The following PRUNE2 variants were observed in gnomAD, a reference collection of about 807,000 sequenced individuals.
PRUNE2 encodes protein prune homolog 2.
In PRUNE2, 164 loss-of-function variants were observed where a neutral mutation model predicts 252.0. That is an observed-to-expected ratio of 0.65 (90% CI 0.57 to 0.74). PRUNE2 has a LOEUF of 0.74. PRUNE2 is among the 30% of genes least tolerant of loss of function. The pLI is 0.00. For missense variants in PRUNE2, 3,495 were observed against 3,711.0 expected, an observed-to-expected ratio of 0.94 and a Z score of 1.51; for synonymous variants, 1,292 against 1,350.2, an observed-to-expected ratio of 0.96 and a Z score of 0.94.
intron 4 of PRUNE2, among the ~76,000 whole-genome samples, chr9:76,830,347 T>C (rs2058597951): frequency 6.6e-6 from 1 of 152,184 alleles, no homozygotes; most frequent in African/African-American, 2.4e-5. Context: ...AAAGACATTA[T>C]TCAAACGTTA....
chr9:76,836,871 C>G (rs1444943673), intron 4 of PRUNE2, among the ~76,000 whole-genome samples: 1 of 152,144 alleles, frequency 6.6e-6, no homozygotes, highest in African/African-American at 2.4e-5. Context: ...CACGTTATTT[C>G]TATGCTGGCA....
At chr9:76,731,324 A>ATATATATAT (rs1332074252) in intron 6 of PRUNE2, among the ~76,000 whole-genome samples, 1 of 106,794 alleles carries the variant, frequency 9.4e-6, no homozygotes, top group African/African-American at 3.5e-5. Context: ...ATATATATAT[A>ATATATATAT]TTTTTTTTTT....
At chr9:76,640,465 T>C (rs576078910) in intron 12 of PRUNE2, among the ~76,000 whole-genome samples, 1 of 152,236 alleles carries the variant, frequency 6.6e-6, no homozygotes, top group Non-Finnish European at 1.5e-5. Context: ...TGTTGTTGTA[T>C]ACAGTATTTA....
At chr9:76,736,702 G>C (rs184094251) in intron 6 of PRUNE2, 2 of 152,174 alleles carry the variant, frequency 1.3e-5, no homozygotes, top group African/African-American at 2.4e-5. Context: ...CCTCCCAAAG[G>C]CTCCACTTCC....
chr9:76,841,888 G>T (rs549916652), intron 4 of PRUNE2, among the ~76,000 whole-genome samples: 1 of 152,134 alleles, frequency 6.6e-6, no homozygotes, highest in Non-Finnish European at 1.5e-5. Context: ...AGATTTAAAC[G>T]TTCCTGCCTG....
chr9:76,831,857 T>C (rs1368888512), intron 4 of PRUNE2, among the ~76,000 whole-genome samples: 1 of 152,056 alleles, frequency 6.6e-6, no homozygotes, highest in African/African-American at 2.4e-5. Context: ...AAAATGACAA[T>C]ATACTGCTTA....
At chr9:76,619,311 C>T (rs1361657591) in intron 18 of PRUNE2, 29 bp downstream of exon 18, 2 of 1,489,438 alleles carry the variant, frequency 1.3e-6, no homozygotes, top group Non-Finnish European at 1.9e-6. Context: ...CAAGTAACCA[C>T]ATAGCTGTTA....
intron 9 of PRUNE2, among the ~76,000 whole-genome samples, chr9:76,688,346 A>G (rs1010231064): frequency 5.3e-5 from 8 of 152,186 alleles, no homozygotes; most frequent in African/African-American, 1.9e-4. Flanking sequence ...TTTCACTTGC[A>G]GTAAGTGTTG....
intron 6 of PRUNE2, among the ~76,000 whole-genome samples, chr9:76,805,210 C>T (rs370006784): frequency 1.1e-4 from 16 of 152,312 alleles, no homozygotes; most frequent in Admixed American, 5.9e-4. Context: ...GGCCCCCCAC[C>T]GCATGCAAGT....
At chr9:76,735,935 T>G (rs746603722) in intron 6 of PRUNE2, among the ~76,000 whole-genome samples, 2 of 152,214 alleles carry the variant, frequency 1.3e-5, no homozygotes, top group African/African-American at 2.4e-5. Flanking sequence ...TCTAGTACAT[T>G]TACATGCGTC....
At chr9:76,758,182 T>G (rs2051338494) in intron 6 of PRUNE2, among the ~76,000 whole-genome samples, 1 of 152,222 alleles carries the variant, frequency 6.6e-6, no homozygotes, top group African/African-American at 2.4e-5. Flanking sequence ...TTTTGTAAGC[T>G]TATAGTATTT....
rs1409882333 is a variant in PRUNE2, at chr9:76,708,020, C to A, written c.4254G>T (p.Gly1418=). The change falls in exon 8 of 19, where the codon GGG becomes GGT. Residue 1418 remains glycine, a synonymous_variant. Transcript: ENST00000376718. ...YNLDSRDVQT[G]MSADNLQPKD... ...TTGGCTGCAGGTTATCTGCGGACAT[C>A]CCTGTTTGCACATCACGGGAGTCTA... 1 of 1,613,956 alleles carries A rather than the reference C, an allele frequency of 6.2e-7. No homozygotes were observed. The highest frequency in any genetic ancestry group is 1.3e-5 in the African/African-American group (1 of 75,044).
chr9:76,866,831 G>A (rs1157804337), intron 1 of PRUNE2, among the ~76,000 whole-genome samples: 1 of 152,146 alleles, frequency 6.6e-6, no homozygotes, highest in Admixed American at 6.5e-5. Flanking sequence ...AGGGAAGTAG[G>A]GAGGAAGTTA....
At chr9:76,882,618 A>AAG (rs1384223923) in intron 1 of PRUNE2, among the ~76,000 whole-genome samples, 1 of 151,786 alleles carries the variant, frequency 6.6e-6, no homozygotes, top group Non-Finnish European at 1.5e-5. Flanking sequence ...GAACAGGAGC[A>AAG]AGAGAGAGAG....
At chr9:76,864,056 C>T (rs903464698) in intron 1 of PRUNE2, among the ~76,000 whole-genome samples, 4 of 152,056 alleles carry the variant, frequency 2.6e-5, no homozygotes, top group Non-Finnish European at 2.9e-5. Context: ...GCCCATCAAA[C>T]GTGGATTGGA....
Position 76,710,246 on chromosome 9 carries a change from C to T in PRUNE2, c.2028G>A (p.Gln676=). 1 of 1,613,992 alleles carries T rather than the reference C, an allele frequency of 6.2e-7. No homozygotes were observed. Among genetic ancestry groups the T allele is most frequent in the South Asian group, 1.1e-5 (1 of 91,080 alleles). The change falls in exon 8 of 19, where the codon CAG becomes CAA. Residue 676 remains glutamine (Q), a synonymous_variant. Transcript: ENST00000376718. ...NIADAWSSSE[Q]ESVFQSPESW... is the part of the protein sequence containing the mutation. ...ATTCAGGGCTCTGGAAAACAGATTC[C>T]TGTTCACTGGAACTCCACGCATCTG... is the stretch of plus-strand genomic sequence containing the variant.
chr9:76,850,921 C>G (rs1367450594), intron 2 of PRUNE2, among the ~76,000 whole-genome samples: 1 of 151,704 alleles, frequency 6.6e-6, no homozygotes, highest in Non-Finnish European at 1.5e-5. Flanking sequence ...ATTTTAGACC[C>G]TGCACCATTT....
At chr9:76,741,217 A>G (rs377267593) in intron 6 of PRUNE2, among the ~76,000 whole-genome samples, 47 of 152,336 alleles carry the variant, frequency 3.1e-4, no homozygotes, top group African/African-American at 1.0e-3. Context: ...TTAGTTCTCA[A>G]CTATCTCAAG....
chr9:76,713,124 A>G (rs1249019788), intron 7 of PRUNE2, among the ~76,000 whole-genome samples: 1 of 151,942 alleles, frequency 6.6e-6, no homozygotes, highest in Non-Finnish European at 1.5e-5. Flanking sequence ...CTCAGCTATC[A>G]ACCTGGAGGA....
Sources: allele counts gnomAD v4.1 joint callset (sites outside exome capture counted in the v4.1 genomes callset), GRCh38; gene constraint gnomAD v4.1.1; transcripts MANE v1.5; gene names NCBI Gene and HGNC (gene_info 2026-07-23, HGNC 2026-07-21).